FOCAD: variants seen among roughly 807,000 people sequenced by gnomAD.
The protein encoded by FOCAD is KIAA1797.
A neutral mutation model predicts 225.6 loss-of-function variants in FOCAD; 198 were observed. The ratio of observed to expected loss-of-function variants is 0.88; its 90% confidence interval spans 0.78 to 0.99. FOCAD has a LOEUF of 0.99. Among genes scored for constraint, FOCAD ranks in the 50% least tolerant of loss-of-function variants. The pLI is 0.00. For missense variants in FOCAD, 2,713 were observed against 2,123.6 expected (o/e 1.28, Z -5.46); for synonymous variants, 897 against 755.0 (o/e 1.19, Z -3.08).
At chr9:20,691,428 A>G (rs1448716574) in intron 1 of FOCAD, among the ~76,000 whole-genome samples, 1 of 151,946 alleles carries the variant, frequency 6.6e-6, no homozygotes, top group African/African-American at 2.4e-5. Flanking sequence ...TCTGGATCAT[A>G]TCATTCAGCC....
chr9:20,906,885 C>A lies in FOCAD; in HGVS notation c.2626-265C>A, dbSNP rs545192571. On this transcript the variant is annotated intron_variant, in intron 21 of 43. Coordinates refer to ENST00000338382, the MANE Select transcript of FOCAD (RefSeq NM_001375567.1). ...CGAGGGTTGATTTGTATTACATGTA[C>A]ATTTTAACTTGTTATTATTGTAGGA... 8.8e-4 allele frequency among the ~76,000 whole-genome samples: 134 copies of A among 152,158 alleles called. 2 individuals carry two copies. The highest frequency in any genetic ancestry group is 3.2e-3 in the African/African-American group (132 of 41,548).
At chr9:20,731,942 T>G (rs900470183) in intron 4 of FOCAD, among the ~76,000 whole-genome samples, 1 of 152,094 alleles carries the variant, frequency 6.6e-6, no homozygotes, top group Non-Finnish European at 1.5e-5. Context: ...TTGAGTATAT[T>G]TATTTATTAT....
chr9:20,954,090 T>C (rs1837923859), intron 35 of FOCAD, among the ~76,000 whole-genome samples: 1 of 152,200 alleles, frequency 6.6e-6, no homozygotes, highest in African/African-American at 2.4e-5. Context: ...GTTCTAGAAT[T>C]TGTGCTATTA....
chr9:20,990,114 T>C lies in FOCAD; in HGVS notation c.5005-9T>C. The C allele has an allele frequency of 6.2e-7, 1 of 1,613,610 alleles. No homozygotes were observed. The highest frequency in any genetic ancestry group is 8.5e-7 in the Non-Finnish European group (1 of 1,179,578). ...ATATGACCTAACGTCATTTCTATTT[T>C]CATCGTAGGCTTTGGACTTCTTCTT... On this transcript the variant is annotated splice_polypyrimidine_tract_variant and intron_variant, in intron 41 of 43. Coordinates refer to ENST00000338382, the MANE Select transcript of FOCAD (RefSeq NM_001375567.1).
At chr9:20,747,956 C>G (rs1049488949) in intron 5 of FOCAD, among the ~76,000 whole-genome samples, 1 of 150,836 alleles carries the variant, frequency 6.6e-6, no homozygotes, top group Non-Finnish European at 1.5e-5. Context: ...ATTACATTTA[C>G]TGTTTCTTAA....
At chr9:20,912,541 A>G (rs1483077845) in intron 22 of FOCAD, among the ~76,000 whole-genome samples, 3 of 152,160 alleles carry the variant, frequency 2.0e-5, no homozygotes, top group Non-Finnish European at 4.4e-5. Flanking sequence ...ATCAGTTGCT[A>G]ACAAAGGCAG....
rs1159099589 is a variant in FOCAD, at chr9:20,675,041, G to T, written c.-78+16215G>T. Among the ~76,000 whole-genome samples, 3 of 152,182 alleles carry T rather than the reference G, an allele frequency of 2.0e-5. No homozygotes were observed. In the East Asian group the frequency reaches 5.8e-4, roughly 29 times the overall value. On this transcript the variant is annotated intron_variant, in intron 2 of 45. Coordinates refer to the FOCAD transcript ENST00000380249. ...AAAAATGCAAGAGCCACAGTCAAGG[G>T]CAATTGACTTCTTCCTTGTAAGACC...
At chr9:20,791,219 GCACACACACACACACACTCA>G (rs1354259313) in intron 11 of FOCAD, among the ~76,000 whole-genome samples, 7 of 106,716 alleles carry the variant, frequency 6.6e-5, no homozygotes, top group Non-Finnish European at 1.4e-4. Context: ...ATATATGCAT[GCACACACACACACACACTCA>G]CACACACACA....
At chr9:20,940,333 G>A (rs1415277879) in intron 28 of FOCAD, among the ~76,000 whole-genome samples, 1 of 150,034 alleles carries the variant, frequency 6.7e-6, no homozygotes, top group East Asian at 1.9e-4. Flanking sequence ...GCTCAGGCTG[G>A]AGTGCAGTGA....
At chr9:20,810,570 A>G (rs766229340) in intron 11 of FOCAD, among the ~76,000 whole-genome samples, 11 of 152,148 alleles carry the variant, frequency 7.2e-5, no homozygotes, top group Non-Finnish European at 1.6e-4. Context: ...TATAGTTATC[A>G]TTTATGTAAG....
intron 4 of FOCAD, among the ~76,000 whole-genome samples, chr9:20,722,639 C>T (rs1240445352): frequency 6.6e-6 from 1 of 152,234 alleles, no homozygotes; most frequent in Non-Finnish European, 1.5e-5. Context: ...TCTGTTTCTA[C>T]ACGCATTCAC....
rs1251470416 is a variant in FOCAD at position 20,912,849 on chromosome 9, T to C, written c.2719-17T>C. 5 of 1,605,510 alleles carry C rather than the reference T, an allele frequency of 3.1e-6. No homozygotes were observed. The highest frequency in any genetic ancestry group is 1.3e-5 in the African/African-American group (1 of 74,712). On this transcript the variant is annotated splice_polypyrimidine_tract_variant and intron_variant, in intron 22 of 43. Coordinates refer to ENST00000338382, the MANE Select transcript of FOCAD (RefSeq NM_001375567.1). ...GCCATCGAGTTCACATGCTGATTTA[T>C]GCTGTGATTTTTGCAGGGAAGACTA...
chr9:20,746,979 G>T (rs921250143), intron 5 of FOCAD, among the ~76,000 whole-genome samples: 2 of 152,146 alleles, frequency 1.3e-5, no homozygotes, highest in African/African-American at 4.8e-5. Flanking sequence ...TGTCCCTCTT[G>T]CCCCTCATTG....
intron 23 of FOCAD, among the ~76,000 whole-genome samples, chr9:20,913,939 G>A (rs1833655457): frequency 6.6e-6 from 1 of 152,068 alleles, no homozygotes; most frequent in African/African-American, 2.4e-5. Flanking sequence ...GTATATATGA[G>A]TATAAAGGAG....
intron 4 of FOCAD, among the ~76,000 whole-genome samples, chr9:20,732,486 G>A (rs1222431004): frequency 6.6e-6 from 1 of 152,102 alleles, no homozygotes; most frequent in Admixed American, 6.5e-5. Flanking sequence ...AGGGGAGAGT[G>A]GTATGAAATG....
chr9:20,866,711 G>A lies in FOCAD; in HGVS notation c.2107-218G>A, dbSNP rs190121994. On this transcript the variant is annotated intron_variant, in intron 17 of 43. Coordinates refer to ENST00000338382, the MANE Select transcript of FOCAD (RefSeq NM_001375567.1). The stretch of plus-strand genomic sequence containing the variant: ...TTTTTGCAATATTTTGTTTTGAAAC[G>A]AGGATTAAATTTCTCGATCTCTCTT... 4.1e-3 allele frequency among the ~76,000 whole-genome samples: 625 copies of A among 151,472 alleles called. 2 individuals carry two copies. Among genetic ancestry groups the A allele is most frequent in the African/African-American group, 0.014 (591 of 41,318 alleles).
At chr9:20,952,330 T>C (rs1253082716) in intron 34 of FOCAD, 1 of 152,238 alleles carries the variant, frequency 6.6e-6, no homozygotes, top group Non-Finnish European at 1.5e-5. Context: ...CCTGATGGAA[T>C]TTTCCAATTG....
chr9:20,907,344 C>A lies in FOCAD; in HGVS notation c.2718+102C>A. 3 of 881,064 alleles carry A rather than the reference C, an allele frequency of 3.4e-6. No individual in the cohort carries two copies. The Admixed American group carries it at 5.9e-5, about 17-fold the overall frequency. 54.6% of individuals were successfully genotyped at this position (881,064 alleles called of 1,614,324 possible). A position where few individuals can be genotyped will look rare whatever the true frequency, so the allele number is the denominator to read the frequency against. ...TATAAAAGCACTTGGGAAAATAGCA[C>A]TACCAAAAATGTAATGGTTATTTTT... is the stretch of plus-strand genomic sequence containing the variant. On this transcript the variant is annotated intron_variant, in intron 22 of 43. Transcript: ENST00000338382.
chr9:20,967,715 T>C (rs1317777781), intron 35 of FOCAD, among the ~76,000 whole-genome samples: 6 of 152,150 alleles, frequency 3.9e-5, no homozygotes, highest in Non-Finnish European at 8.8e-5. Flanking sequence ...GATTTTTCTG[T>C]GTCAATTGAA....
Sources: gnomAD v4.1 joint callset for allele counts (sites outside exome capture counted in the v4.1 genomes callset) on GRCh38, gnomAD v4.1.1 for gene constraint, MANE v1.5 for transcripts, NCBI Gene and HGNC (gene_info 2026-07-23, HGNC 2026-07-21) for gene names.